Variants in NXF3 observed in about 807,000 individuals in gnomAD.
NXF3 encodes nuclear RNA export factor 3.
NXF3 carries 34 observed loss-of-function variants against 48.4 expected under a neutral mutation model. That is an observed-to-expected ratio of 0.70 (90% CI 0.53 to 0.93). The LOEUF is 0.93. Ranked by LOEUF, NXF3 falls within the 40% of genes least tolerant of loss-of-function variation. The pLI is 0.00. For missense variants in NXF3, 359 were observed against 406.1 expected (o/e 0.88, Z 1.00); for synonymous variants, 132 against 145.7 (o/e 0.91, Z 0.68).
At chrX:103,089,758 T>G (rs775083216) in intron 1 of NXF3, among the ~76,000 whole-genome samples, 1 of 112,251 alleles carries the variant, frequency 8.9e-6, no homozygotes, top group Non-Finnish European at 1.9e-5. Context: ...CAAATTGCAT[T>G]GGAAATTTTT....
intron 18 of NXF3, among the ~76,000 whole-genome samples, chrX:103,076,697 A>T (rs1291821072): frequency 9.1e-6 from 1 of 110,332 alleles, no homozygotes; most frequent in Admixed American, 9.7e-5. Flanking sequence ...TTAAAATTTC[A>T]CCATGACAAT....
chrX:103,077,713 C>A lies in NXF3; in HGVS notation c.1485G>T (p.Arg495=). The part of the protein sequence containing the change: ...LCIVNDKLFV[R]DTSHQGTQSA... ...TCTGGGTCCCTTGGTGGCTGGTATC[C>A]CGCACAAAGAGCTTGTCATTCACGA... Residue 495 remains arginine, a synonymous_variant, in exon 18 of 20, where the codon CGG becomes CGT. Transcript: ENST00000395065. 2 of 1,211,166 alleles carry A rather than the reference C, an allele frequency of 1.7e-6. No individual in the cohort carries two copies. Among genetic ancestry groups the A allele is most frequent in the Non-Finnish European group, 2.2e-6 (2 of 895,176 alleles).
Position 103,083,056 on chromosome X carries a change from C to T in NXF3, c.639G>A (p.Gln213=), listed in dbSNP as rs1569280480. The T allele has an allele frequency of 3.3e-6, 4 of 1,211,430 alleles. No individual in the cohort carries two copies. Among genetic ancestry groups the T allele is most frequent in the Non-Finnish European group, 3.4e-6 (3 of 895,175 alleles). The stretch of plus-strand genomic sequence containing the variant: ...CAAGAGCTTCCTGGGAGACATCACA[C>T]TGTTGGTTCATGGCCAGCTGCAGAG... The part of the protein sequence containing the change: ...VEQIKLAMNQ[Q]CDVSQEALDI... Residue 213 remains glutamine (Q), a synonymous_variant, in exon 7 of 20, where the codon CAG becomes CAA. Transcript: ENST00000395065.
Position 103,084,854 on chromosome X carries a change from C to G in NXF3, c.58G>C (p.Ala20Pro). The change falls in exon 2 of 20, where the codon GCA becomes CCA. Residue 20 changes from alanine to proline, a missense_variant. Transcript: ENST00000395065. ...GHTDQVVQRR[A>P]RCWDIYQRRF... ...CTTTGGTAAATATCCCAACATCTTG[C>G]TCTTCTTTGAACAACTTGATCAGTG... is the stretch of plus-strand genomic sequence containing the variant. The G allele has an allele frequency of 8.3e-7, 1 of 1,211,744 alleles. No homozygotes were observed. Among genetic ancestry groups the G allele is most frequent in the Non-Finnish European group, 1.1e-6 (1 of 895,134 alleles).
Position 103,083,907 on chromosome X carries a change from T to C in NXF3, c.352-215A>G, listed in dbSNP as rs147947671. On this transcript the variant is annotated intron_variant, in intron 3 of 19. Coordinates refer to ENST00000395065, the MANE Select transcript of NXF3 (RefSeq NM_022052.2). Reference sequence around the variant, plus strand: ...ACATGGATTTCCTAAATACCCTTTCTTACTATTCAAATAGTTTTCTTAAAA... The same window carrying C: ...ACATGGATTTCCTAAATACCCTTTCCTACTATTCAAATAGTTTTCTTAAAA... Among the ~76,000 whole-genome samples, 45 of 112,038 alleles carry C rather than the reference T, an allele frequency of 4.0e-4. No homozygotes were observed. The East Asian group carries it at 8.4e-3, about 21-fold the overall frequency.
chrX:103,086,697 GA>G (rs199875398), intron 1 of NXF3, among the ~76,000 whole-genome samples: 125 of 102,055 alleles, frequency 1.2e-3, no homozygotes, highest in African/African-American at 2.1e-3. Context: ...AAATTATCCT[GA>G]AAAAAAAACA....
chrX:103,086,724 T>C (rs1020018836), intron 1 of NXF3, among the ~76,000 whole-genome samples: 2 of 108,552 alleles, frequency 1.8e-5, no homozygotes, highest in African/African-American at 3.4e-5. Flanking sequence ...AATTTAATAA[T>C]ACAGAATATT....
intron 1 of NXF3, 135 bp downstream of exon 1, chrX:103,092,861 G>A: frequency 1.6e-6 from 1 of 637,815 alleles, no homozygotes; most frequent in Non-Finnish European, 2.5e-6. Flanking sequence ...TCAGGCCTGG[G>A]CCCTTGCCAC....
chrX:103,086,206 G>A lies in NXF3; in HGVS notation c.29-1323C>T, dbSNP rs190290706. On this transcript the variant is annotated intron_variant, in intron 1 of 19. Transcript: ENST00000395065. ...GAGGCCGAGATGGGCGGATCATGAGGTCAGGAGATCGAGACCATCCTGGCT... is the reference window on the plus strand; with the variant it reads ...GAGGCCGAGATGGGCGGATCATGAGATCAGGAGATCGAGACCATCCTGGCT... Among the ~76,000 whole-genome samples, 206 of 112,040 alleles carry A rather than the reference G, an allele frequency of 1.8e-3. 1 individual carries two copies. Among genetic ancestry groups the A allele is most frequent in the Non-Finnish European group, 2.4e-3 (126 of 53,105 alleles).
chrX:103,089,763 A>T (rs1922232991), intron 1 of NXF3, among the ~76,000 whole-genome samples: 1 of 112,146 alleles, frequency 8.9e-6, no homozygotes, highest in Non-Finnish European at 1.9e-5. Context: ...TGCATTGGAA[A>T]TTTTTTGTAA....
intron 17 of NXF3, among the ~76,000 whole-genome samples, chrX:103,078,257 G>T (rs1337313498): frequency 9.0e-6 from 1 of 111,414 alleles, no homozygotes; most frequent in African/African-American, 3.3e-5. Context: ...TTCCTGAATG[G>T]CAGGATGATA....
intron 1 of NXF3, chrX:103,088,555 T>C: frequency 9.2e-7 from 1 of 1,090,831 alleles, no homozygotes; most frequent in South Asian, 1.9e-5. Flanking sequence ...AGGAATTATT[T>C]AATAACTGTG....
At chrX:103,079,140 G>A in intron 16 of NXF3, 81 bp downstream of exon 16, 1 of 966,567 alleles carries the variant, frequency 1.0e-6, no homozygotes, top group Non-Finnish European at 1.5e-6. Context: ...AATGAGGGAA[G>A]CTGGGGGAGT....
intron 18 of NXF3, among the ~76,000 whole-genome samples, chrX:103,076,881 C>T (rs183346625): frequency 5.5e-5 from 6 of 109,996 alleles, no homozygotes; most frequent in Non-Finnish European, 1.1e-4. Flanking sequence ...CTCCCCCTTA[C>T]GTGAAAATTG....
rs758677093 is a variant in NXF3 at position 103,083,744 on chromosome X, TA to T, written c.352-53del. On this transcript the variant is annotated intron_variant, in intron 3 of 19. Transcript: ENST00000395065. ...GGAAAGGAGACTGACATAATGGAAT[TA>T]AACGTTAAAAGTGGACCCAAATATG... is the stretch of plus-strand genomic sequence containing the variant. 13 of 992,135 alleles carry T rather than the reference TA, an allele frequency of 1.3e-5. No homozygotes were observed. In the Admixed American group the frequency reaches 2.9e-4, roughly 22 times the overall value. 81.8% of individuals were successfully genotyped at this position (992,135 alleles called of 1,213,427 possible).
At chrX:103,090,096 G>T (rs1323424489) in intron 1 of NXF3, among the ~76,000 whole-genome samples, 2 of 111,283 alleles carry the variant, frequency 1.8e-5, no homozygotes, top group East Asian at 5.6e-4. Context: ...TCATTCATTT[G>T]CTCATTAATT....
intron 16 of NXF3, 94 bp downstream of exon 16, chrX:103,079,127 C>T (rs771424667): frequency 2.1e-5 from 19 of 910,482 alleles, no homozygotes; most frequent in Admixed American, 1.6e-4. Context: ...AGGAAAGGAA[C>T]GAAATGAGGG....
intron 1 of NXF3, chrX:103,087,643 A>T: frequency 1.0e-6 from 1 of 998,803 alleles, no homozygotes; most frequent in Non-Finnish European, 1.4e-6. Flanking sequence ...CCGATCCCAC[A>T]TATAGCATGA....
intron 1 of NXF3, chrX:103,088,300 C>T (rs1192456715): frequency 3.6e-6 from 2 of 551,720 alleles, no homozygotes; most frequent in Non-Finnish European, 6.0e-6. Context: ...AAATTGTGAT[C>T]GTATTTCTGG....
Sources: gnomAD v4.1 joint callset for allele counts (sites outside exome capture counted in the v4.1 genomes callset) on GRCh38, gnomAD v4.1.1 for gene constraint, MANE v1.5 for transcripts, NCBI Gene and HGNC (gene_info 2026-07-23, HGNC 2026-07-21) for gene names.